Variants in OCLN observed in about 807,000 individuals in gnomAD.
OCLN encodes the protein phosphatase 1, regulatory subunit 115.
OCLN carries 21 observed loss-of-function variants against 47.9 expected under a neutral mutation model. That is an observed-to-expected ratio of 0.44 (90% CI 0.31 to 0.63). The LOEUF (loss-of-function observed/expected upper bound fraction) is 0.63. Among genes scored for constraint, OCLN ranks in the 30% least tolerant of loss-of-function variants. The probability of loss-of-function intolerance (pLI) is 0.08; values close to 1 mark genes in which losing one functional copy is unlikely to be tolerated. For synonymous variants in OCLN, 117 were observed against 198.4 expected, an observed-to-expected ratio of 0.59 and a Z score of 3.45; for missense variants, 360 against 571.0, an observed-to-expected ratio of 0.63 and a Z score of 3.77.
At chr5:69,533,876 G>A (rs181757545) in intron 4 of OCLN, among the ~76,000 whole-genome samples, 115 of 152,220 alleles carry the variant, frequency 7.6e-4, no homozygotes, top group Middle Eastern at 3.4e-3. Flanking sequence ...CAGCCAGGAT[G>A]GTCTCGATCT....
chr5:69,517,842 C>A (rs1004621775), intron 4 of OCLN, among the ~76,000 whole-genome samples: 1 of 151,786 alleles, frequency 6.6e-6, no homozygotes, highest in Non-Finnish European at 1.5e-5. Flanking sequence ...TGTTTTCTTT[C>A]GACATTTACC....
At chr5:69,507,794 T>TG (rs1324770308) in intron 2 of OCLN, among the ~76,000 whole-genome samples, 3 of 151,998 alleles carry the variant, frequency 2.0e-5, no homozygotes, top group Non-Finnish European at 4.4e-5. Context: ...TCAGTAGAGA[T>TG]GGGGTTTCAC....
rs911409510 is a variant in OCLN at position 69,493,272 on chromosome 5, C to A, written c.-69+372C>A. ...GCTCTGGGGCTGCAGTTTGGGGGGG[C>A]GGCCTTCATGGAGAGGGATCCTGCG... On this transcript the variant is annotated intron_variant, in intron 1 of 8. Transcript: ENST00000396442. The surrounding 1 kb of genome is among the most constrained non-coding windows in gnomAD (Gnocchi z 5.3). Among the ~76,000 whole-genome samples, 6 of 152,086 alleles carry A rather than the reference C, an allele frequency of 3.9e-5. No homozygotes were observed. Among genetic ancestry groups the A allele is most frequent in the African/African-American group, 1.4e-4 (6 of 41,418 alleles).
intron 4 of OCLN, among the ~76,000 whole-genome samples, chr5:69,526,396 G>A (rs923979326): frequency 6.6e-5 from 10 of 152,146 alleles, no homozygotes; most frequent in Admixed American, 6.6e-4. Flanking sequence ...TCACAGGCTG[G>A]GCGACCAAAG....
intron 4 of OCLN, among the ~76,000 whole-genome samples, chr5:69,529,883 C>A (rs1301272119): frequency 6.6e-6 from 1 of 152,214 alleles, no homozygotes; most frequent in East Asian, 1.9e-4. Context: ...GGATTACAGG[C>A]ATGAGCTACC....
chr5:69,508,899 G>C (rs1768684125), intron 2 of OCLN, among the ~76,000 whole-genome samples: 1 of 152,176 alleles, frequency 6.6e-6, no homozygotes, highest in Non-Finnish European at 1.5e-5. Flanking sequence ...ACACATTCAA[G>C]GATGTTTATA....
chr5:69,521,657 G>A (rs1769141430), intron 4 of OCLN, among the ~76,000 whole-genome samples: 1 of 151,982 alleles, frequency 6.6e-6, no homozygotes, highest in South Asian at 2.1e-4. Flanking sequence ...ATTTTACAAG[G>A]GATTACCAAG....
intron 4 of OCLN, among the ~76,000 whole-genome samples, chr5:69,522,736 T>A (rs1359014807): frequency 2.6e-5 from 4 of 151,992 alleles, no homozygotes; most frequent in Non-Finnish European, 2.9e-5. Context: ...CTTTTATTTT[T>A]TTTTTTCTTG....
At position 69,498,744 on chromosome 5, in the gene OCLN, A is replaced by G. The variant is rs900507829; in HGVS notation, c.-68-5433A>G. On this transcript the variant is annotated intron_variant, in intron 1 of 8. Transcript: ENST00000396442. ...ATCTAGGCTGGAGTGCAGTGATGCA[A>G]TTTTGGCCCACTGCAAACTCTGCCT... 2.0e-5 allele frequency among the ~76,000 whole-genome samples: 3 copies of G among 151,986 alleles called. No individual in the cohort carries two copies. In the East Asian group the frequency reaches 5.8e-4, roughly 30 times the overall value.
At chr5:69,510,784 C>T (rs1396597173) in intron 3 of OCLN, among the ~76,000 whole-genome samples, 1 of 152,164 alleles carries the variant, frequency 6.6e-6, no homozygotes, top group Non-Finnish European at 1.5e-5. Context: ...GGTGGAATTG[C>T]TGGGTCATAT....
chr5:69,525,356 A>G lies in OCLN; in HGVS notation c.892-9338A>G, dbSNP rs143789926. 5.7e-3 allele frequency among the ~76,000 whole-genome samples: 859 copies of G among 151,924 alleles called. 6 individuals carry two copies. The highest frequency in any genetic ancestry group is 0.019 in the African/African-American group (802 of 41,440). The stretch of plus-strand genomic sequence containing the variant: ...CCTGACCTCATGATCCGCCCGCCTC[A>G]GCCTCCCAAAGTGCTGGGATTACAG... On this transcript the variant is annotated intron_variant, in intron 4 of 8. Transcript: ENST00000396442.
intron 4 of OCLN, among the ~76,000 whole-genome samples, chr5:69,523,527 C>CT (rs766265503): frequency 1.5e-3 from 208 of 140,448 alleles, no homozygotes; most frequent in Middle Eastern, 7.6e-3. Context: ...TAATGATTAC[C>CT]TTTTTTTTTT....
intron 4 of OCLN, among the ~76,000 whole-genome samples, chr5:69,531,829 T>C (rs1227207888): frequency 6.6e-6 from 1 of 152,202 alleles, no homozygotes; most frequent in Non-Finnish European, 1.5e-5. Flanking sequence ...GGAGAGTGCA[T>C]CTCATGTTTT....
chr5:69,547,238 G>A (rs1206819544), intron 6 of OCLN, among the ~76,000 whole-genome samples: 2 of 148,750 alleles, frequency 1.3e-5, no homozygotes, highest in Admixed American at 1.4e-4. Flanking sequence ...TGCCACTGTG[G>A]TGATCAAAGC....
At chr5:69,498,127 G>A (rs1217558183) in intron 1 of OCLN, among the ~76,000 whole-genome samples, 5 of 150,584 alleles carry the variant, frequency 3.3e-5, no homozygotes, top group Non-Finnish European at 5.9e-5. Context: ...GCGAGACTCC[G>A]TCTCAAAAAA....
intron 4 of OCLN, among the ~76,000 whole-genome samples, chr5:69,529,592 A>C (rs190070041): frequency 6.9e-4 from 105 of 152,194 alleles, no homozygotes; most frequent in African/African-American, 2.4e-3. Context: ...TTTCAAGAGT[A>C]AGTCTGAGTT....
chr5:69,544,930 CA>C lies in OCLN; in HGVS notation c.1065del (p.Leu356Ter). 7.2e-7 allele frequency: 1 copy of C among 1,384,906 alleles called. No individual in the cohort carries two copies. The highest frequency in any genetic ancestry group is 1.2e-5 in the South Asian group (1 of 83,206). The allele number at this position is 1,384,906 out of a possible 1,614,324, so 85.8% of individuals were successfully genotyped here. On this transcript the variant is annotated frameshift_variant, in exon 6 of 9. Transcript: ENST00000396442. LOFTEE classifies it high-confidence loss of function. ...TPVPEVVQELPLTSPVDDFRQ... is the reference protein window; with the variant it reads ...TPVPEVVQELXLTSPVDDFRQ... The stretch of plus-strand genomic sequence containing the variant: ...GTTCCTGAAGTGGTTCAGGAGCTTC[CA>C]TTAACTTCGCCTGTGGATGACTTCA...
chr5:69,515,375 C>A (rs1322843303), intron 4 of OCLN, among the ~76,000 whole-genome samples: 3 of 145,732 alleles, frequency 2.1e-5, no homozygotes, highest in African/African-American at 7.6e-5. Context: ...GGGCCCCTCA[C>A]CTCCCAGACA....
intron 2 of OCLN, among the ~76,000 whole-genome samples, chr5:69,508,296 G>T (rs1580552191): frequency 6.6e-6 from 1 of 152,078 alleles, no homozygotes; most frequent in Admixed American, 6.6e-5. Flanking sequence ...GCCCACCTCA[G>T]ACTCTCCACT....
Sources: allele counts gnomAD v4.1 joint callset (sites outside exome capture counted in the v4.1 genomes callset), GRCh38; gene constraint gnomAD v4.1.1; non-coding constraint Gnocchi (gnomAD v3.1); transcripts MANE v1.5; gene names NCBI Gene and HGNC (gene_info 2026-07-23, HGNC 2026-07-21).